The following ASIC2 variants were observed in gnomAD, a reference collection of about 807,000 sequenced individuals.
The protein encoded by ASIC2 is acid sensing ion channel subunit 2.
Under a neutral mutation model 57.3 loss-of-function variants are expected in ASIC2, and 25 were observed. That is an observed-to-expected ratio of 0.44 (90% CI 0.32 to 0.61). The LOEUF (loss-of-function observed/expected upper bound fraction) is 0.61, where lower values mean the gene tolerates loss of function less well. Among genes scored for constraint, ASIC2 ranks in the 20% least tolerant of loss-of-function variants. The pLI is 0.06. For missense variants in ASIC2, 641 were observed against 738.1 expected, an observed-to-expected ratio of 0.87 and a Z score of 1.52; for synonymous variants, 319 against 307.5, an observed-to-expected ratio of 1.04 and a Z score of -0.39.
intron 1 of ASIC2, among the ~76,000 whole-genome samples, chr17:33,307,262 TTCC>T (rs981299020): frequency 3.4e-5 from 5 of 144,946 alleles, no homozygotes; most frequent in African/African-American, 1.3e-4. Flanking sequence ...CCTCCTTCTC[TTCC>T]TCCTCCTCTT....
chr17:33,286,559 G>A (rs1905204696), intron 1 of ASIC2, among the ~76,000 whole-genome samples: 1 of 152,146 alleles, frequency 6.6e-6, no homozygotes, highest in African/African-American at 2.4e-5. Flanking sequence ...TAGGCGCGGG[G>A]CCTAGAATGC....
chr17:33,666,524 C>T (rs959983075), intron 1 of ASIC2, among the ~76,000 whole-genome samples: 1 of 152,228 alleles, frequency 6.6e-6, no homozygotes, highest in African/African-American at 2.4e-5. Context: ...CTCCTCCTGC[C>T]TGTCCAGGTC....
chr17:34,102,656 C>A (rs1910907911), intron 1 of ASIC2, among the ~76,000 whole-genome samples: 1 of 152,188 alleles, frequency 6.6e-6, no homozygotes, highest in Admixed American at 6.5e-5. Context: ...TCAATAGATG[C>A]TTACTTTCTA....
intron 1 of ASIC2, among the ~76,000 whole-genome samples, chr17:33,216,061 C>T (rs990694230): frequency 6.6e-6 from 1 of 152,190 alleles, no homozygotes; most frequent in Non-Finnish European, 1.5e-5. Context: ...GTCTACAGCA[C>T]TTAATCCAAT....
intron 1 of ASIC2, among the ~76,000 whole-genome samples, chr17:33,337,410 G>A (rs1375162264): frequency 3.1e-5 from 4 of 127,092 alleles, no homozygotes; most frequent in East Asian, 5.2e-4. Context: ...TAATAGTGAT[G>A]ACAGGATGAG....
At chr17:33,684,327 AGGG>A (rs1027316471) in intron 1 of ASIC2, among the ~76,000 whole-genome samples, 43 of 151,380 alleles carry the variant, frequency 2.8e-4, no homozygotes, top group African/African-American at 9.3e-4. Flanking sequence ...TGGGGTGGGG[AGGG>A]GGGTGCTCTT....
At chr17:33,584,426 G>A (rs1322271301) in intron 1 of ASIC2, among the ~76,000 whole-genome samples, 1 of 152,114 alleles carries the variant, frequency 6.6e-6, no homozygotes, top group Non-Finnish European at 1.5e-5. Flanking sequence ...TTGATTTTTA[G>A]GATCTGAGGC....
At chr17:33,614,915 C>G (rs975430411) in intron 1 of ASIC2, among the ~76,000 whole-genome samples, 3 of 152,202 alleles carry the variant, frequency 2.0e-5, no homozygotes, top group Non-Finnish European at 4.4e-5. Context: ...CTCAAGACCT[C>G]AATTTTGTCA....
intron 1 of ASIC2, among the ~76,000 whole-genome samples, chr17:33,952,793 G>A (rs1020593303): frequency 3.3e-5 from 5 of 152,114 alleles, no homozygotes; most frequent in East Asian, 1.9e-4. Flanking sequence ...ATAAAGGTAG[G>A]ATTAAACAAA....
At chr17:33,191,322 G>C (rs933415595) in intron 1 of ASIC2, among the ~76,000 whole-genome samples, 2 of 152,102 alleles carry the variant, frequency 1.3e-5, no homozygotes, top group African/African-American at 4.8e-5. Flanking sequence ...TCCTTGGTGT[G>C]GAGATGGAAG....
chr17:34,091,525 C>T (rs1910330793), intron 1 of ASIC2, among the ~76,000 whole-genome samples: 1 of 152,228 alleles, frequency 6.6e-6, no homozygotes, highest in Non-Finnish European at 1.5e-5. Flanking sequence ...GTGGGAGAAT[C>T]CCTGGCAGCT....
chr17:33,740,868 G>A lies in ASIC2; in HGVS notation c.555+415110C>T, dbSNP rs373709057. Among the ~76,000 whole-genome samples, 18 of 152,290 alleles carry A rather than the reference G, an allele frequency of 1.2e-4. No homozygotes were observed. In the South Asian group the frequency reaches 3.5e-3, roughly 30 times the overall value. On this transcript the variant is annotated intron_variant, in intron 1 of 9. Transcript: ENST00000359872. ...TATAGGAAAATGAATCTAGGACTCT[G>A]CTAGAGTCTCTAAAAATATAGCTGC...
chr17:33,711,697 G>C (rs116070442), intron 1 of ASIC2, among the ~76,000 whole-genome samples: 1 of 152,076 alleles, frequency 6.6e-6, no homozygotes, highest in South Asian at 2.1e-4. Context: ...AGTGAAGGGG[G>C]AAATGCCACT....
rs563716293 is a variant in ASIC2 at position 33,501,933 on chromosome 17, G to A, written c.556-389866C>T. ...GGGAGGAGGCTTGGAGGCCTTAGAG[G>A]GCCAGTGGCAAGAAAATCAACACTG... is the stretch of plus-strand genomic sequence containing the variant. On this transcript the variant is annotated intron_variant, in intron 1 of 9. Transcript: ENST00000359872. Among the ~76,000 whole-genome samples the A allele has an allele frequency of 7.9e-5, 12 of 152,282 alleles. No homozygotes were observed. The East Asian group carries it at 2.1e-3, about 27-fold the overall frequency.
intron 1 of ASIC2, among the ~76,000 whole-genome samples, chr17:33,145,013 G>A (rs980786919): frequency 2.6e-5 from 4 of 152,224 alleles, no homozygotes; most frequent in African/African-American, 9.6e-5. Context: ...TGCCACGTGA[G>A]TGCTTACTCT....
At chr17:33,729,482 G>C (rs1001681616) in intron 1 of ASIC2, among the ~76,000 whole-genome samples, 1 of 152,148 alleles carries the variant, frequency 6.6e-6, no homozygotes, top group Non-Finnish European at 1.5e-5. Context: ...ATTACCCCGT[G>C]TTGGATTGTT....
At chr17:33,046,674 G>C (rs1322183203) in intron 3 of ASIC2, among the ~76,000 whole-genome samples, 2 of 152,212 alleles carry the variant, frequency 1.3e-5, no homozygotes, top group African/African-American at 4.8e-5. Flanking sequence ...CCAGCACCAA[G>C]CTTCAGGGCT....
chr17:33,269,603 A>G (rs747256941), intron 1 of ASIC2, among the ~76,000 whole-genome samples: 2 of 126,894 alleles, frequency 1.6e-5, no homozygotes, highest in Non-Finnish European at 3.5e-5. Context: ...CTGGAACCTA[A>G]GGGCTCCTTC....
chr17:33,407,862 G>A (rs1910522056), intron 1 of ASIC2, among the ~76,000 whole-genome samples: 1 of 152,202 alleles, frequency 6.6e-6, no homozygotes, highest in African/African-American at 2.4e-5. Context: ...CTTAGGTATT[G>A]GATCAAATGC....
Sources: gnomAD v4.1 joint callset for allele counts (sites outside exome capture counted in the v4.1 genomes callset) on GRCh38, gnomAD v4.1.1 for gene constraint, MANE v1.5 for transcripts, NCBI Gene and HGNC (gene_info 2026-07-23, HGNC 2026-07-21) for gene names.